ABTB2: variants seen among roughly 807,000 people sequenced by gnomAD.
ABTB2 encodes ankyrin repeat and BTB domain containing 2.
Under a neutral mutation model 104.1 loss-of-function variants are expected in ABTB2, and 56 were observed. The observed-to-expected ratio is 0.54, with a 90% CI of 0.43 to 0.67. ABTB2 has a LOEUF of 0.67. Among genes scored for constraint, ABTB2 ranks in the 30% least tolerant of loss-of-function variants. ABTB2 has a pLI of 0.00. For synonymous variants in ABTB2, 606 were observed against 608.2 expected (o/e 1.00, Z 0.05); for missense variants, 1,279 against 1,407.7 (o/e 0.91, Z 1.46).
At chr11:34,291,631 G>T (rs572358845) in intron 1 of ABTB2, among the ~76,000 whole-genome samples, 42 of 152,174 alleles carry the variant, frequency 2.8e-4, no homozygotes, top group Middle Eastern at 3.4e-3. Context: ...GAGTAACTTG[G>T]ATTACAGGCG....
At chr11:34,331,231 C>T (rs1295216894) in intron 1 of ABTB2, among the ~76,000 whole-genome samples, 1 of 152,176 alleles carries the variant, frequency 6.6e-6, no homozygotes, top group Admixed American at 6.5e-5. Context: ...AAAAAGCATA[C>T]ATGACAAGCC....
chr11:34,348,970 C>T (rs1380243863), intron 1 of ABTB2, among the ~76,000 whole-genome samples: 1 of 152,152 alleles, frequency 6.6e-6, no homozygotes, highest in African/African-American at 2.4e-5. Context: ...ATGTAGCTGG[C>T]ACTCAGTGAG....
In ABTB2 at chr11:34,357,271, C is replaced by A. The variant is rs1477550998; in HGVS notation, c.313G>T (p.Ala105Ser). The part of the protein sequence containing the change: ...EEFPWTEGDV[A>S]RVLRKGAGGR... ...CCAGCGCCTTTGCGGAGCACCCGGG[C>A]CACGTCTCCTTCGGTCCAGGGGAAC... is the stretch of plus-strand genomic sequence containing the variant. The change falls in exon 1 of 17, where the codon GCC becomes TCC. Residue 105 changes from alanine (A) to serine (S), a missense_variant. Ala to Ser is a moderately conservative substitution (Grantham distance 99). Coordinates refer to ENST00000435224, the MANE Select transcript of ABTB2 (RefSeq NM_145804.3). 6.7e-7 allele frequency: 1 copy of A among 1,498,386 alleles called. No individual in the cohort carries two copies. Among genetic ancestry groups the A allele is most frequent in the Non-Finnish European group, 8.9e-7 (1 of 1,126,632 alleles). The allele number at this position is 1,498,386 out of a possible 1,614,324, so 92.8% of individuals were successfully genotyped here.
At chr11:34,308,590 C>A (rs1051380932) in intron 1 of ABTB2, among the ~76,000 whole-genome samples, 3 of 152,144 alleles carry the variant, frequency 2.0e-5, no homozygotes, top group Non-Finnish European at 4.4e-5. Flanking sequence ...AGGAAACTGG[C>A]CAGGTGCAAT....
chr11:34,221,827 T>A (rs188484557), intron 1 of ABTB2, among the ~76,000 whole-genome samples: 176 of 152,284 alleles, frequency 1.2e-3, no homozygotes, highest in Non-Finnish European at 1.6e-3. Flanking sequence ...TCACCTGAGG[T>A]CGGGAGTTCC....
intron 1 of ABTB2, among the ~76,000 whole-genome samples, chr11:34,354,518 G>A (rs1270922305): frequency 6.6e-6 from 1 of 151,992 alleles, no homozygotes; most frequent in Non-Finnish European, 1.5e-5. Flanking sequence ...GGTAGGTGGT[G>A]CCAAAAGACC....
intron 1 of ABTB2, among the ~76,000 whole-genome samples, chr11:34,227,273 CAAAAAAAAAAAAGAA>C (rs1165489944): frequency 1.2e-5 from 1 of 80,360 alleles, no homozygotes; most frequent in East Asian, 3.5e-4. Context: ...GACTCCATCT[CAAAAAAAAAAAAGAA>C]AAAAAAAAAA....
intron 1 of ABTB2, among the ~76,000 whole-genome samples, chr11:34,292,426 C>T (rs574700778): frequency 2.6e-4 from 40 of 152,266 alleles, no homozygotes; most frequent in African/African-American, 9.1e-4. Context: ...GTGAAGATGG[C>T]AGCCTTCACA....
At chr11:34,298,271 A>T (rs996553812) in intron 1 of ABTB2, among the ~76,000 whole-genome samples, 3 of 152,002 alleles carry the variant, frequency 2.0e-5, no homozygotes, top group Admixed American at 2.0e-4. Context: ...ATACATATCC[A>T]CATTTCATTG....
intron 1 of ABTB2, among the ~76,000 whole-genome samples, chr11:34,329,860 C>A (rs1855109621): frequency 6.6e-6 from 1 of 152,204 alleles, no homozygotes; most frequent in Non-Finnish European, 1.5e-5. Flanking sequence ...CCTGCAGAGT[C>A]CTGACACTGA....
intron 9 of ABTB2, among the ~76,000 whole-genome samples, chr11:34,164,442 C>T (rs1017830378): frequency 1.3e-5 from 2 of 152,234 alleles, no homozygotes; most frequent in African/African-American, 2.4e-5. Flanking sequence ...ACGGTCTGCC[C>T]TGGGCGTCGG....
intron 1 of ABTB2, among the ~76,000 whole-genome samples, chr11:34,225,357 T>C (rs766097871): frequency 1.4e-4 from 22 of 152,232 alleles, no homozygotes; most frequent in African/African-American, 4.8e-5. Flanking sequence ...GCCACTGTTA[T>C]GGCTGAAGTC....
chr11:34,304,924 T>C (rs1267476), intron 1 of ABTB2, among the ~76,000 whole-genome samples: 90,191 of 152,122 alleles, frequency 0.59, 27,918 homozygotes, highest in East Asian at 0.78. Flanking sequence ...CCTCTGCCAG[T>C]CTCAGTTCCC....
chr11:34,220,744 AC>A (rs1454662992), intron 1 of ABTB2, among the ~76,000 whole-genome samples: 1 of 151,732 alleles, frequency 6.6e-6, no homozygotes, highest in Non-Finnish European at 1.5e-5. Context: ...TAAATAAATA[AC>A]CCCCTGTTGG....
chr11:34,223,386 C>G (rs1008124478), intron 1 of ABTB2, among the ~76,000 whole-genome samples: 7 of 152,192 alleles, frequency 4.6e-5, no homozygotes, highest in African/African-American at 1.7e-4. Context: ...TCTCCGCTCT[C>G]CTGCTCCCCT....
In ABTB2 at chr11:34,357,470, G is replaced by A. The variant is rs749132139; in HGVS notation, c.114C>T (p.Asn38=). The change falls in exon 1 of 17, where the codon AAC becomes AAT. Residue 38 remains asparagine (N), a synonymous_variant. Coordinates refer to ENST00000435224, the MANE Select transcript of ABTB2 (RefSeq NM_145804.3). ...GCGCCGAAGAGTTGAGCGCCTGCGA[G>A]TTGGACTTGGAGGACGAGAGGCTGA... ...RSLSLSSSKS[N]SQALNSSAQQ... 1 of 1,546,976 alleles carries A rather than the reference G, an allele frequency of 6.5e-7. No homozygotes were observed. The highest frequency in any genetic ancestry group is 1.2e-5 in the South Asian group (1 of 84,046).
At chr11:34,161,200 G>A (rs1041580851) in intron 10 of ABTB2, 119 bp from the exon 11 acceptor site, 4 of 1,019,638 alleles carry the variant, frequency 3.9e-6, no homozygotes, top group South Asian at 3.5e-5. Context: ...AGAGCACCCC[G>A]CCCGCCCCCT....
chr11:34,316,247 CA>C (rs1319247498), intron 1 of ABTB2, among the ~76,000 whole-genome samples: 1 of 152,224 alleles, frequency 6.6e-6, no homozygotes, highest in Non-Finnish European at 1.5e-5. Context: ...TTCTGGCCAT[CA>C]CAGTGGCACG....
chr11:34,289,022 G>A (rs141518555), intron 1 of ABTB2, among the ~76,000 whole-genome samples: 5 of 152,262 alleles, frequency 3.3e-5, no homozygotes, highest in Non-Finnish European at 5.9e-5. Context: ...CAATTCTGGC[G>A]TCAGCACTGC....
Sources: allele counts gnomAD v4.1 joint callset (sites outside exome capture counted in the v4.1 genomes callset), GRCh38; gene constraint gnomAD v4.1.1; transcripts MANE v1.5; gene names NCBI Gene and HGNC (gene_info 2026-07-23, HGNC 2026-07-21).